INSYN2B: variants seen among roughly 807,000 people sequenced by gnomAD.
INSYN2B encodes the protein inhibitory synaptic factor family member 2B, also known as protein INSYN2B.
A neutral mutation model predicts 41.2 loss-of-function variants in INSYN2B; 16 were observed. The ratio of observed to expected loss-of-function variants is 0.39; its 90% CI spans 0.26 to 0.59. The LOEUF (loss-of-function observed/expected upper bound fraction) is 0.59, where lower values mean the gene tolerates loss of function less well. INSYN2B is among the 20% of genes least tolerant of loss of function. The probability of loss-of-function intolerance (pLI) is 0.57; values close to 1 mark genes in which losing one functional copy is unlikely to be tolerated. For missense variants in INSYN2B, 608 were observed against 646.4 expected, an observed-to-expected ratio of 0.94 and a Z score of 0.64; for synonymous variants, 245 against 244.4, an observed-to-expected ratio of 1.00 and a Z score of -0.02.
At chr5:169,885,503 A>G (rs1420952414) in intron 1 of INSYN2B, among the ~76,000 whole-genome samples, 2 of 152,232 alleles carry the variant, frequency 1.3e-5, no homozygotes, top group African/African-American at 4.8e-5. Context: ...TTTAAGGACA[A>G]AATTCTCCCC....
At chr5:169,923,483 G>GCA (rs34053722) in intron 1 of INSYN2B, among the ~76,000 whole-genome samples, 4,408 of 148,886 alleles carry the variant, frequency 0.03, 133 homozygotes, top group African/African-American at 0.08. Context: ...ATGCACGTGG[G>GCA]CACACACACA....
At chr5:169,943,566 A>G (rs1450464205) in intron 1 of INSYN2B, among the ~76,000 whole-genome samples, 1 of 152,214 alleles carries the variant, frequency 6.6e-6, no homozygotes, top group Non-Finnish European at 1.5e-5. Flanking sequence ...TTTTCACAAG[A>G]TTACACATGC....
intron 1 of INSYN2B, among the ~76,000 whole-genome samples, chr5:169,899,671 C>A (rs1262164065): frequency 6.6e-6 from 1 of 152,168 alleles, no homozygotes; most frequent in Non-Finnish European, 1.5e-5. Context: ...TCTCTACATA[C>A]CACGTTTTGT....
At chr5:169,931,968 G>A (rs906006883) in intron 1 of INSYN2B, among the ~76,000 whole-genome samples, 1 of 152,192 alleles carries the variant, frequency 6.6e-6, no homozygotes, top group African/African-American at 2.4e-5. Context: ...GGAGCCTGCT[G>A]CCTGCCAGGA....
At chr5:169,975,674 G>A (rs867571407) in intron 1 of INSYN2B, among the ~76,000 whole-genome samples, 19 of 152,294 alleles carry the variant, frequency 1.2e-4, no homozygotes, top group South Asian at 8.3e-4. Context: ...ATTGAAAATA[G>A]GGCAGATACT....
In INSYN2B at chr5:169,883,304, T is replaced by C; in HGVS notation, c.595A>G (p.Thr199Ala). ...AGTWRSLEKA[T>A]AAIQVPDDIY... The stretch of plus-strand genomic sequence containing the variant: ...TCATCTGGAACCTGAATGGCAGCTG[T>C]GGCTTTCTCTAAGGACCTCCAAGTT... The change falls in exon 2 of 4, where the codon ACA becomes GCA. Residue 199 changes from threonine (T) to alanine (A), a missense_variant. Transcript: ENST00000377365. 6.4e-7 allele frequency: 1 copy of C among 1,551,616 alleles called. No individual in the cohort carries two copies. Among genetic ancestry groups the C allele is most frequent in the Non-Finnish European group, 8.7e-7 (1 of 1,146,904 alleles).
intron 3 of INSYN2B, chr5:169,875,942 A>G (rs979174366): frequency 6.6e-6 from 1 of 152,254 alleles, no homozygotes; most frequent in African/African-American, 2.4e-5. Context: ...TTAAAACAAC[A>G]TAGATTTTAC....
intron 1 of INSYN2B, among the ~76,000 whole-genome samples, chr5:169,924,156 A>T (rs1191114916): frequency 6.6e-6 from 1 of 152,162 alleles, no homozygotes; most frequent in Non-Finnish European, 1.5e-5. Context: ...CTCCCTGCAC[A>T]GTGCCTGGAA....
intron 1 of INSYN2B, 26 bp from the exon 2 acceptor site, chr5:169,884,842 C>T (rs1772875428): frequency 6.6e-6 from 1 of 152,206 alleles, no homozygotes; most frequent in South Asian, 2.1e-4. Flanking sequence ...CAACAGTGGC[C>T]AATGAGAAGG....
In INSYN2B at chr5:169,864,336, C is replaced by T. The variant is rs758788439; in HGVS notation, c.1545G>A (p.Pro515=). ...PPKSPAEPPA[P]EKQDLRRKTK... ...TTTTCCGCCTTAAGTCCTGCTTTTC[C>T]GGGGCTGGGGGTTCTGCTGGGGACT... Residue 515 remains proline, a synonymous_variant, in exon 4 of 4, where the codon CCG becomes CCA. Transcript: ENST00000377365. 1.2e-4 allele frequency: 191 copies of T among 1,551,434 alleles called. No individual in the cohort carries two copies. Among genetic ancestry groups the T allele is most frequent in the South Asian group, 2.0e-4 (17 of 84,058 alleles).
Position 169,961,978 on chromosome 5 carries a change from C to CAAAAAAAAAAAAAAAAAAAAAAAAAA in INSYN2B, c.-919+18298_-919+18299insTTTTTTTTTTTTTTTTTTTTTTTTTT, listed in dbSNP as rs70979150. Among the ~76,000 whole-genome samples the CAAAAAAAAAAAAAAAAAAAAAAAAAA allele has an allele frequency of 2.0e-4, 15 of 74,632 alleles. 5 individuals are homozygous for CAAAAAAAAAAAAAAAAAAAAAAAAAA. Among genetic ancestry groups the CAAAAAAAAAAAAAAAAAAAAAAAAAA allele is most frequent in the East Asian group, 1.3e-3 (3 of 2,288 alleles). 49.0% of individuals were successfully genotyped at this position (74,632 alleles called of 152,430 possible). ...TGGGTGAAAAAGTGAGACTCTGTCC[C>CAAAAAAAAAAAAAAAAAAAAAAAAAA]AAAAAAAAAAAAAAAAATGGAGAAA... is the stretch of plus-strand genomic sequence containing the variant. On this transcript the variant is annotated intron_variant, in intron 1 of 3. Coordinates refer to ENST00000377365, the MANE Select transcript of INSYN2B (RefSeq NM_001129891.3).
intron 1 of INSYN2B, among the ~76,000 whole-genome samples, chr5:169,890,262 T>C (rs774976449): frequency 1.3e-5 from 2 of 152,160 alleles, no homozygotes; most frequent in South Asian, 4.1e-4. Context: ...TGTAGGGATA[T>C]GTCTTCCACT....
intron 1 of INSYN2B, among the ~76,000 whole-genome samples, chr5:169,886,466 C>G (rs770151378): frequency 6.6e-6 from 1 of 152,224 alleles, no homozygotes; most frequent in Non-Finnish European, 1.5e-5. Flanking sequence ...CTTTCTGCAT[C>G]TTCCTCCTCA....
chr5:169,924,346 C>T (rs987907061), intron 1 of INSYN2B, among the ~76,000 whole-genome samples: 8 of 152,314 alleles, frequency 5.3e-5, no homozygotes, highest in Middle Eastern at 3.4e-3. Context: ...TCCCTGTCAC[C>T]TTTGCTCCCT....
At chr5:169,871,705 T>G (rs1179821628) in intron 3 of INSYN2B, among the ~76,000 whole-genome samples, 1 of 151,964 alleles carries the variant, frequency 6.6e-6, no homozygotes, top group African/African-American at 2.4e-5. Context: ...TGTAGGGTGG[T>G]GGGGGTGGAG....
chr5:169,978,394 G>T (rs112448050), intron 1 of INSYN2B, among the ~76,000 whole-genome samples: 124 of 99,362 alleles, frequency 1.2e-3, no homozygotes, highest in South Asian at 5.9e-3. Context: ...TGTGTGTGTG[G>T]GGGGGGGGGG....
intron 1 of INSYN2B, among the ~76,000 whole-genome samples, chr5:169,950,676 G>A (rs913286110): frequency 3.3e-5 from 5 of 152,174 alleles, no homozygotes; most frequent in African/African-American, 1.2e-4. Context: ...GTCCAATGTT[G>A]TGTTCCTCTG....
At chr5:169,908,716 T>TC (rs1774428082) in intron 1 of INSYN2B, among the ~76,000 whole-genome samples, 1 of 65,404 alleles carries the variant, frequency 1.5e-5, no homozygotes, top group African/African-American at 1.0e-4. Context: ...CTTTTTTCTT[T>TC]TTTTTTTTTT....
rs1771191277 is a variant in INSYN2B at position 169,861,470 on chromosome 5, A to C, written c.*2803T>G. The stretch of plus-strand genomic sequence containing the variant: ...GTATGCATTTATGCATTGCTTTTTA[A>C]ACTACAGAGAAAGCAGCTACATAAA... On this transcript the variant is annotated 3_prime_UTR_variant, in exon 4 of 4. Transcript: ENST00000377365. Among the ~76,000 whole-genome samples the C allele has an allele frequency of 6.6e-6, 1 of 152,232 alleles. No homozygotes were observed. Among genetic ancestry groups the C allele is most frequent in the Non-Finnish European group, 1.5e-5 (1 of 68,036 alleles).
Sources: gnomAD v4.1 joint callset for allele counts (sites outside exome capture counted in the v4.1 genomes callset) on GRCh38, gnomAD v4.1.1 for gene constraint, MANE v1.5 for transcripts, NCBI Gene and HGNC (gene_info 2026-07-23, HGNC 2026-07-21) for gene names.